The following CTIF variants were observed in gnomAD, a reference collection of about 807,000 sequenced individuals.
The protein encoded by CTIF is cap binding complex dependent translation initiation factor, also known as CBP80/20-dependent translation initiation factor.
Under a neutral mutation model 66.0 loss-of-function variants are expected in CTIF, and 21 were observed. The ratio of observed to expected loss-of-function variants is 0.32; its 90% confidence interval spans 0.23 to 0.46. The LOEUF is 0.46. Among genes scored for constraint, CTIF ranks in the 20% least tolerant of loss-of-function variants. The pLI, the probability that CTIF is intolerant of heterozygous loss-of-function variation, is 1.00. For synonymous variants in CTIF, 345 were observed against 326.4 expected, an observed-to-expected ratio of 1.06 and a Z score of -0.62; for missense variants, 739 against 812.7, an observed-to-expected ratio of 0.91 and a Z score of 1.10.
intron 9 of CTIF, among the ~76,000 whole-genome samples, chr18:48,806,526 G>C (rs2337141): frequency 0.1 from 15,160 of 152,210 alleles, 933 homozygotes; most frequent in Admixed American, 0.16. Flanking sequence ...CCAAGAGGGA[G>C]CCCGAAATGA....
chr18:48,636,655 C>T lies in CTIF; in HGVS notation c.222C>T (p.Ser74=). 1 of 1,601,930 alleles carries T rather than the reference C, an allele frequency of 6.2e-7. No individual in the cohort carries two copies. Among genetic ancestry groups the T allele is most frequent in the Non-Finnish European group, 8.5e-7 (1 of 1,175,130 alleles). Residue 74 remains serine (S), a synonymous_variant, in exon 3 of 12, where the codon TCC becomes TCT. Transcript: ENST00000256413. The stretch of plus-strand genomic sequence containing the variant: ...GCGAACCGCTGGACAGCAGCTGTTC[C>T]TTCTCCCGAGGGCGAGCCCCCCCAC... The part of the protein sequence containing the change: ...DCSEPLDSSC[S]FSRGRAPPQQ...
At chr18:48,709,293 G>GGGAT (rs896937504) in intron 6 of CTIF, among the ~76,000 whole-genome samples, 21 of 152,312 alleles carry the variant, frequency 1.4e-4, no homozygotes, top group African/African-American at 5.0e-4. Flanking sequence ...GAGTTGTTCT[G>GGGAT]GGATGGATGG....
At chr18:48,709,769 A>C (rs1054082359) in intron 6 of CTIF, among the ~76,000 whole-genome samples, 1 of 152,260 alleles carries the variant, frequency 6.6e-6, no homozygotes, top group African/African-American at 2.4e-5. Context: ...AAAGAAAACA[A>C]ATAATATCCT....
chr18:48,542,918 G>A (rs1028518886), intron 1 of CTIF, among the ~76,000 whole-genome samples: 2 of 152,176 alleles, frequency 1.3e-5, no homozygotes, highest in East Asian at 3.8e-4. Context: ...CTGGCGACAC[G>A]GAGCTAAGGA....
At chr18:48,644,098 C>A (rs186244110) in intron 3 of CTIF, among the ~76,000 whole-genome samples, 4 of 152,324 alleles carry the variant, frequency 2.6e-5, no homozygotes, top group Admixed American at 2.0e-4. Context: ...TACTTACTTT[C>A]CTCAGCAGCC....
At chr18:48,774,425 G>A (rs1179059323) in intron 9 of CTIF, among the ~76,000 whole-genome samples, 3 of 151,982 alleles carry the variant, frequency 2.0e-5, no homozygotes, top group South Asian at 2.1e-4. Flanking sequence ...GCCTTCACTC[G>A]GTATCAGGGT....
At chr18:48,568,798 A>T (rs1325011134) in intron 1 of CTIF, among the ~76,000 whole-genome samples, 2 of 152,176 alleles carry the variant, frequency 1.3e-5, no homozygotes, top group East Asian at 3.9e-4. Context: ...ACTGCCCTTT[A>T]TAAAACCATC....
At chr18:48,730,222 C>T (rs1461129084) in intron 7 of CTIF, among the ~76,000 whole-genome samples, 1 of 149,610 alleles carries the variant, frequency 6.7e-6, no homozygotes, top group Non-Finnish European at 1.5e-5. Flanking sequence ...GTGTGAGGAG[C>T]CCCCGAAGTG....
intron 2 of CTIF, among the ~76,000 whole-genome samples, chr18:48,620,708 CCT>C (rs917339264): frequency 2.0e-5 from 3 of 152,314 alleles, no homozygotes; most frequent in Admixed American, 2.0e-4. Flanking sequence ...TGGGGATCCG[CCT>C]CTCGTGCGTG....
intron 2 of CTIF, among the ~76,000 whole-genome samples, chr18:48,635,635 T>A (rs1413173667): frequency 2.0e-5 from 3 of 152,166 alleles, no homozygotes; most frequent in African/African-American, 7.2e-5. Flanking sequence ...CTGCTCTTTA[T>A]GTATCATGCA....
chr18:48,812,191 T>C (rs1293375183), intron 9 of CTIF, among the ~76,000 whole-genome samples: 1 of 152,188 alleles, frequency 6.6e-6, no homozygotes, highest in Non-Finnish European at 1.5e-5. Flanking sequence ...CTCGAACTCC[T>C]GACCTCAAGC....
At chr18:48,646,762 T>C (rs571084812) in intron 3 of CTIF, among the ~76,000 whole-genome samples, 1 of 143,294 alleles carries the variant, frequency 7.0e-6, no homozygotes, top group Non-Finnish European at 1.5e-5. Flanking sequence ...AAAAAGAAAA[T>C]AAAATAAAAA....
chr18:48,757,849 G>T (rs978021923), intron 7 of CTIF, 70 bp from the exon 8 acceptor site: 3 of 1,534,268 alleles, frequency 2.0e-6, no homozygotes, highest in Non-Finnish European at 8.8e-7. Flanking sequence ...CTGTTCTGGC[G>T]GCTGGGCACA....
intron 3 of CTIF, among the ~76,000 whole-genome samples, chr18:48,652,569 G>C (rs1481641613): frequency 6.6e-6 from 1 of 152,158 alleles, no homozygotes; most frequent in Non-Finnish European, 1.5e-5. Flanking sequence ...AGAGGAGCTG[G>C]TACCATTCCT....
chr18:48,577,503 C>T (rs1248396431), intron 1 of CTIF, among the ~76,000 whole-genome samples: 1 of 152,088 alleles, frequency 6.6e-6, no homozygotes, highest in Non-Finnish European at 1.5e-5. Context: ...TAGATAAAAG[C>T]TTTTTTGAGA....
chr18:48,811,541 C>T (rs1329819449), intron 9 of CTIF, among the ~76,000 whole-genome samples: 1 of 152,172 alleles, frequency 6.6e-6, no homozygotes, highest in Non-Finnish European at 1.5e-5. Flanking sequence ...GACTGAAACT[C>T]TCTACCTATT....
chr18:48,711,272 G>A (rs2128259), intron 6 of CTIF, among the ~76,000 whole-genome samples: 1 of 152,132 alleles, frequency 6.6e-6, no homozygotes, highest in Non-Finnish European at 1.5e-5. Context: ...GCAGAACCTG[G>A]CCCCAGCTCT....
In CTIF at chr18:48,761,079, C is replaced by T; in HGVS notation, c.1072-311C>T. ...TCCTCTTTCATAATTTCCATTAAAT[C>T]TTTTCTAGATTAAGATATTTGATGG... On this transcript the variant is annotated intron_variant, in intron 8 of 11. Coordinates refer to ENST00000256413, the MANE Select transcript of CTIF (RefSeq NM_014772.3). This position sits in a 1 kb window ranked among gnomAD's most constrained non-coding sequence, Gnocchi z 4.2. 3.9e-6 allele frequency: 1 copy of T among 254,232 alleles called. No homozygotes were observed. The highest frequency in any genetic ancestry group is 7.4e-6 in the Non-Finnish European group (1 of 135,316). 15.7% of individuals were successfully genotyped at this position (254,232 alleles called of 1,614,324 possible).
intron 7 of CTIF, 93 bp downstream of exon 7, chr18:48,711,788 A>C (rs1194635999): frequency 9.4e-7 from 1 of 1,068,892 alleles, no homozygotes; most frequent in Non-Finnish European, 1.4e-6. Flanking sequence ...CGCTTTTCCC[A>C]GTCACCAGCT....
Sources: allele counts gnomAD v4.1 joint callset (sites outside exome capture counted in the v4.1 genomes callset), GRCh38; gene constraint gnomAD v4.1.1; non-coding constraint Gnocchi (gnomAD v3.1); transcripts MANE v1.5; gene names NCBI Gene and HGNC (gene_info 2026-07-23, HGNC 2026-07-21).